Variants in CTNND2 observed in about 807,000 individuals in gnomAD.
CTNND2 encodes the protein catenin delta 2.
CTNND2 carries 22 observed loss-of-function variants against 144.4 expected under a neutral mutation model. The ratio of observed to expected loss-of-function variants is 0.15; its 90% CI spans 0.11 to 0.22. The LOEUF is 0.22. CTNND2 is among the 10% of genes least tolerant of loss of function. The pLI is 1.00. For missense variants in CTNND2, 1,353 were observed against 1,618.8 expected (o/e 0.84, Z 2.82); for synonymous variants, 751 against 695.6 (o/e 1.08, Z -1.25).
At chr5:11,233,803 G>A (rs1741317236) in intron 10 of CTNND2, among the ~76,000 whole-genome samples, 1 of 151,756 alleles carries the variant, frequency 6.6e-6, no homozygotes, top group African/African-American at 2.4e-5. Flanking sequence ...AGAAAGAAAG[G>A]GAAACTCTGG....
rs1758856180 is a variant in CTNND2, at chr5:11,384,648, T to C, written c.1177+17A>G. On this transcript the variant is annotated intron_variant, in intron 7 of 21. Coordinates refer to ENST00000304623, the MANE Select transcript of CTNND2 (RefSeq NM_001332.4). This position sits in a 1 kb window ranked among gnomAD's most constrained non-coding sequence, Gnocchi z 5.2. ...ACGCGCCCAGGTGAGTCGCGCCAGG[T>C]GGCAGCGAGCCTTTACCTGCCAGGC... 3 of 1,588,728 alleles carry C rather than the reference T, an allele frequency of 1.9e-6. No individual in the cohort carries two copies. Among genetic ancestry groups the C allele is most frequent in the Non-Finnish European group, 2.6e-6 (3 of 1,173,820 alleles).
At chr5:11,431,098 C>T (rs1452566184) in intron 3 of CTNND2, among the ~76,000 whole-genome samples, 4 of 152,158 alleles carry the variant, frequency 2.6e-5, no homozygotes, top group African/African-American at 9.7e-5. Context: ...CTATTCTTTA[C>T]TGAGGTTATA....
chr5:11,363,045 T>A (rs1186451263), intron 8 of CTNND2, among the ~76,000 whole-genome samples: 1 of 152,172 alleles, frequency 6.6e-6, no homozygotes, highest in Non-Finnish European at 1.5e-5. Flanking sequence ...ATCTTTTGAT[T>A]TTTCCCCCCA....
chr5:11,290,024 C>A (rs986228837), intron 9 of CTNND2, among the ~76,000 whole-genome samples: 5 of 152,178 alleles, frequency 3.3e-5, no homozygotes, highest in Admixed American at 2.0e-4. Context: ...TTTGCAACTA[C>A]AAGGATCGAG....
At chr5:11,179,455 G>A (rs1041920456) in intron 11 of CTNND2, among the ~76,000 whole-genome samples, 3 of 152,030 alleles carry the variant, frequency 2.0e-5, no homozygotes, top group Non-Finnish European at 4.4e-5. Context: ...CCTGACCTCA[G>A]ATGATCCACC....
At chr5:11,572,481 C>T (rs1777638558) in intron 2 of CTNND2, among the ~76,000 whole-genome samples, 2 of 152,110 alleles carry the variant, frequency 1.3e-5, no homozygotes, top group African/African-American at 4.8e-5. Context: ...GACTACTCAA[C>T]CTTCTTGGGG....
chr5:11,696,566 T>C (rs1424000324), intron 2 of CTNND2, among the ~76,000 whole-genome samples: 1 of 152,214 alleles, frequency 6.6e-6, no homozygotes, highest in Non-Finnish European at 1.5e-5. Context: ...CAGATATTTT[T>C]AATAATTTGC....
chr5:11,067,197 A>T (rs1196537203), intron 16 of CTNND2, among the ~76,000 whole-genome samples: 1 of 152,220 alleles, frequency 6.6e-6, no homozygotes, highest in Non-Finnish European at 1.5e-5. Context: ...AGGTATTGAT[A>T]TAAGGTAGAG....
intron 1 of CTNND2, among the ~76,000 whole-genome samples, chr5:11,874,977 G>A (rs1262316345): frequency 1.0e-5 from 1 of 98,432 alleles, no homozygotes; most frequent in East Asian, 2.3e-4. Flanking sequence ...TCAAACAATT[G>A]TGAAAAAAAT....
chr5:10,999,552 G>T (rs528997694), intron 18 of CTNND2, among the ~76,000 whole-genome samples: 20 of 152,252 alleles, frequency 1.3e-4, no homozygotes, highest in Non-Finnish European at 1.6e-4. Context: ...TGATGATAAA[G>T]AACTCTTTTA....
Position 11,545,662 on chromosome 5 carries a change from C to CAA in CTNND2, c.287+19280_287+19281dup, listed in dbSNP as rs34532125. On this transcript the variant is annotated intron_variant, in intron 3 of 21. Transcript: ENST00000304623. The stretch of plus-strand genomic sequence containing the variant: ...TTGGTGACAGAGCAAGACTGTGTCT[C>CAA]AAAAAAAAAAAAAAAAAAAAAAGGA... 4.3e-3 allele frequency among the ~76,000 whole-genome samples: 318 copies of CAA among 74,166 alleles called. 1 individual carries two copies. The highest frequency in any genetic ancestry group is 0.012 in the African/African-American group (231 of 18,830). 48.7% of individuals were successfully genotyped at this position (74,166 alleles called of 152,430 possible). A position where few individuals can be genotyped will look rare whatever the true frequency, so the allele number is the denominator to read the frequency against.
intron 12 of CTNND2, among the ~76,000 whole-genome samples, chr5:11,129,861 C>T (rs898712231): frequency 2.6e-5 from 4 of 152,052 alleles, no homozygotes; most frequent in Admixed American, 1.3e-4. Context: ...CAGTATTACC[C>T]GCATTAGGAT....
chr5:11,429,910 G>C (rs1225737185), intron 3 of CTNND2, among the ~76,000 whole-genome samples: 1 of 151,998 alleles, frequency 6.6e-6, no homozygotes, highest in Non-Finnish European at 1.5e-5. Context: ...TGTAATTTTT[G>C]TTTCTTTTTA....
At position 11,248,190 on chromosome 5, in the gene CTNND2, T is replaced by C. The variant is rs116524105; in HGVS notation, c.1629-11367A>G. Among the ~76,000 whole-genome samples the C allele has an allele frequency of 6.1e-3, 925 of 152,298 alleles. 7 individuals are homozygous for C. Among genetic ancestry groups the C allele is most frequent in the African/African-American group, 0.021 (887 of 41,564 alleles). ...GAGGGAAGGGATTTGATGCCCAAAA[T>C]ACTCGGATCAGGAGATTTAAGAACA... On this transcript the variant is annotated intron_variant, in intron 9 of 21. Transcript: ENST00000304623.
intron 1 of CTNND2, among the ~76,000 whole-genome samples, chr5:11,855,207 G>A (rs1795199132): frequency 6.6e-6 from 1 of 152,140 alleles, no homozygotes; most frequent in Non-Finnish European, 1.5e-5. Flanking sequence ...GTTGAAACAG[G>A]GACAGCAGCA....
chr5:11,756,144 C>A (rs1428204712), intron 1 of CTNND2, among the ~76,000 whole-genome samples: 1 of 151,444 alleles, frequency 6.6e-6, no homozygotes, highest in East Asian at 1.9e-4. Context: ...ACATAAAATT[C>A]GGAAAAGAAA....
intron 3 of CTNND2, among the ~76,000 whole-genome samples, chr5:11,537,272 C>T (rs996460743): frequency 6.6e-6 from 1 of 152,178 alleles, no homozygotes; most frequent in African/African-American, 2.4e-5. Flanking sequence ...AAAGATGACC[C>T]AAGCGTCTTC....
Position 11,434,983 on chromosome 5 carries a change from T to C in CTNND2, c.288-22914A>G, listed in dbSNP as rs1473492786. ...ACAATAATTGAAAAAATGCACGAGGTTGTTTTTCTCCAATAATAATCCAAA... is the reference window on the plus strand; with the variant it reads ...ACAATAATTGAAAAAATGCACGAGGCTGTTTTTCTCCAATAATAATCCAAA... On this transcript the variant is annotated intron_variant, in intron 3 of 21. Coordinates refer to ENST00000304623, the MANE Select transcript of CTNND2 (RefSeq NM_001332.4). Among the ~76,000 whole-genome samples, 4 of 151,848 alleles carry C rather than the reference T, an allele frequency of 2.6e-5. No homozygotes were observed. The East Asian group carries it at 7.7e-4, about 29-fold the overall frequency.
At chr5:11,381,654 C>T (rs927627294) in intron 7 of CTNND2, among the ~76,000 whole-genome samples, 1 of 152,184 alleles carries the variant, frequency 6.6e-6, no homozygotes, top group African/African-American at 2.4e-5. Flanking sequence ...TAACTAATGG[C>T]ATCACTGGAA....
Sources: gnomAD v4.1 joint callset for allele counts (sites outside exome capture counted in the v4.1 genomes callset) on GRCh38, gnomAD v4.1.1 for gene constraint, Gnocchi (gnomAD v3.1) non-coding constraint, MANE v1.5 for transcripts, NCBI Gene and HGNC (gene_info 2026-07-23, HGNC 2026-07-21) for gene names.